The following HERC4 variants were observed in gnomAD, a reference collection of about 807,000 sequenced individuals.
HERC4 encodes probable E3 ubiquitin-protein ligase HERC4.
HERC4 carries 28 observed loss-of-function variants against 124.3 expected under a neutral mutation model. That is an observed-to-expected ratio of 0.23 (90% CI 0.17 to 0.31). The LOEUF is 0.31. HERC4 is among the 10% of genes least tolerant of loss of function. The probability of loss-of-function intolerance (pLI) is 1.00; values close to 1 mark genes in which losing one functional copy is unlikely to be tolerated. For missense variants in HERC4, 713 were observed against 1,229.3 expected (o/e 0.58, Z 6.28); for synonymous variants, 407 against 421.5 (o/e 0.97, Z 0.42).
intron 15 of HERC4, among the ~76,000 whole-genome samples, chr10:67,975,821 T>G (rs2035552850): frequency 6.6e-6 from 1 of 152,208 alleles, no homozygotes; most frequent in Admixed American, 6.5e-5. Flanking sequence ...TCAGTTCTTT[T>G]TTTCTCCCAC....
chr10:68,037,257 G>A (rs1336950813), intron 5 of HERC4, among the ~76,000 whole-genome samples: 1 of 151,948 alleles, frequency 6.6e-6, no homozygotes, highest in East Asian at 1.9e-4. Context: ...ACCACACCCA[G>A]CTAATTTTTT....
chr10:68,055,394 G>A (rs190713204), intron 3 of HERC4, among the ~76,000 whole-genome samples: 89 of 152,210 alleles, frequency 5.8e-4, no homozygotes, highest in South Asian at 1.0e-3. Flanking sequence ...TTAGTTGACA[G>A]CAAACAATAA....
intron 9 of HERC4, among the ~76,000 whole-genome samples, chr10:68,006,591 T>C (rs1443205813): frequency 6.6e-6 from 1 of 152,058 alleles, no homozygotes; most frequent in African/African-American, 2.4e-5. Flanking sequence ...TTGGCCAGGC[T>C]AGTCTCAAAC....
chr10:68,043,297 T>C (rs2039860305), intron 4 of HERC4, among the ~76,000 whole-genome samples: 2 of 152,196 alleles, frequency 1.3e-5, no homozygotes, highest in Admixed American at 1.3e-4. Context: ...GCAAATCTCT[T>C]TTCATCCTAA....
intron 15 of HERC4, among the ~76,000 whole-genome samples, chr10:67,972,415 G>A (rs555138763): frequency 3.0e-4 from 45 of 151,052 alleles, no homozygotes; most frequent in African/African-American, 9.5e-4. Flanking sequence ...CAGCTACTCG[G>A]GAGGCTGAGA....
chr10:67,955,348 C>T (rs1243657368), intron 17 of HERC4: 1 of 444,472 alleles, frequency 2.2e-6, no homozygotes, highest in Non-Finnish European at 3.9e-6. Context: ...TAATGTATAA[C>T]TCATAACACC....
In HERC4 at chr10:68,059,843, T is replaced by TATATCATAATATTATATATCATA. The variant is rs1564609908; in HGVS notation, c.226+13039_226+13040insTATGATATATAATATTATGATAT. ...TATATCATAATATTATATATTATAATATATTATATATCATAATATTATATA... is the reference window on the plus strand; with the variant it reads ...TATATCATAATATTATATATTATAATATATCATAATATTATATATCATAATATTATATATCATAATATTATATA... On this transcript the variant is annotated intron_variant, in intron 3 of 24. Transcript: ENST00000373700. Among the ~76,000 whole-genome samples the TATATCATAATATTATATATCATA allele has an allele frequency of 1.5e-4, 4 of 26,310 alleles. 2 individuals carry two copies. The African/African-American group carries it at 1.7e-3, about 11-fold the overall frequency. 17.3% of individuals were successfully genotyped at this position (26,310 alleles called of 152,430 possible).
intron 8 of HERC4, among the ~76,000 whole-genome samples, chr10:68,015,366 G>A (rs1328497917): frequency 1.3e-5 from 2 of 152,062 alleles, no homozygotes; most frequent in South Asian, 2.1e-4. Context: ...AGTTAAGCCC[G>A]GCCAAAATTA....
intron 19 of HERC4, among the ~76,000 whole-genome samples, chr10:67,949,080 C>T (rs901254241): frequency 6.6e-6 from 1 of 151,578 alleles, no homozygotes; most frequent in African/African-American, 2.4e-5. Flanking sequence ...AGTGAAACCC[C>T]GTTTCTACTA....
chr10:67,995,273 T>G (rs576550929), intron 9 of HERC4: 65 of 455,754 alleles, frequency 1.4e-4, no homozygotes, highest in Admixed American at 6.3e-4. Flanking sequence ...GTGGTGGTAG[T>G]AGGCATTGAT....
chr10:67,954,124 A>G (rs1299062442), intron 19 of HERC4: 1 of 152,312 alleles, frequency 6.6e-6, no homozygotes, highest in Non-Finnish European at 1.5e-5. Flanking sequence ...GTAATTACTT[A>G]AACTCTGCCG....
chr10:68,039,330 AAAAAG>A, intron 4 of HERC4: 2 of 1,471,106 alleles, frequency 1.4e-6, no homozygotes, highest in African/African-American at 1.4e-5. Context: ...AAAAAAAAAA[AAAAAG>A]AAAGAAAGAA....
chr10:68,023,000 G>T (rs866992449), intron 8 of HERC4, among the ~76,000 whole-genome samples: 2 of 151,470 alleles, frequency 1.3e-5, no homozygotes, highest in African/African-American at 4.8e-5. Flanking sequence ...ATTAAAATAG[G>T]TATTATAAAA....
intron 15 of HERC4, among the ~76,000 whole-genome samples, chr10:67,973,974 G>A (rs1424981951): frequency 6.6e-6 from 1 of 150,456 alleles, no homozygotes; most frequent in Admixed American, 6.6e-5. Context: ...TTGAACCCGG[G>A]AGGCAGAGGT....
chr10:68,057,119 AT>A (rs760472570), intron 3 of HERC4, among the ~76,000 whole-genome samples: 6 of 152,196 alleles, frequency 3.9e-5, no homozygotes, highest in Non-Finnish European at 7.3e-5. Context: ...ATATATATAT[AT>A]ATTTGTCCTT....
intron 7 of HERC4, among the ~76,000 whole-genome samples, chr10:68,026,104 T>C (rs1369447619): frequency 1.3e-5 from 2 of 152,194 alleles, no homozygotes; most frequent in Admixed American, 6.5e-5. Flanking sequence ...TATTTACTTA[T>C]TAATTTTTTC....
Position 67,954,933 on chromosome 10 carries a change from C to G in HERC4, c.2193+30G>C, listed in dbSNP as rs756186679. ...TAAACATAGCTTCTGAATAAAAGTC[C>G]CAATTATACCACAGAAAATGTCAAA... On this transcript the variant is annotated intron_variant, in intron 18 of 24. Coordinates refer to ENST00000373700, the MANE Select transcript of HERC4 (RefSeq NM_015601.4). The G allele has an allele frequency of 3.9e-6, 6 of 1,551,012 alleles. No individual in the cohort carries two copies. In the South Asian group the frequency reaches 7.4e-5, roughly 19 times the overall value.
chr10:67,972,027 A>G (rs1451334997), intron 15 of HERC4, among the ~76,000 whole-genome samples: 1 of 151,898 alleles, frequency 6.6e-6, no homozygotes, highest in Non-Finnish European at 1.5e-5. Context: ...CAGCCTGGCC[A>G]ATATGGTGAA....
At chr10:67,923,164 C>T in intron 24 of HERC4, 25 bp from the exon 25 acceptor site, 1 of 1,574,764 alleles carries the variant, frequency 6.4e-7, no homozygotes, top group Non-Finnish European at 8.7e-7. Context: ...ATCATTCAGT[C>T]AACCACTTCA....
Sources: allele counts gnomAD v4.1 joint callset (sites outside exome capture counted in the v4.1 genomes callset), GRCh38; gene constraint gnomAD v4.1.1; transcripts MANE v1.5; gene names NCBI Gene and HGNC (gene_info 2026-07-23, HGNC 2026-07-21).